The following ADAMTS17 variants were observed in gnomAD, a reference collection of about 807,000 sequenced individuals.
ADAMTS17 encodes the protein A disintegrin and metalloproteinase with thrombospondin motifs 17.
A neutral mutation model predicts 141.5 loss-of-function variants in ADAMTS17; 113 were observed. That is an observed-to-expected ratio of 0.80 (90% CI 0.69 to 0.93). The LOEUF is 0.93. Among genes scored for constraint, ADAMTS17 ranks in the 40% least tolerant of loss-of-function variants. ADAMTS17 has a pLI of 0.00. For missense variants in ADAMTS17, 1,659 were observed against 1,517.9 expected, an observed-to-expected ratio of 1.09 and a Z score of -1.54; for synonymous variants, 768 against 630.6, an observed-to-expected ratio of 1.22 and a Z score of -3.27.
At chr15:100,088,851 A>G (rs1034659098) in intron 15 of ADAMTS17, among the ~76,000 whole-genome samples, 2 of 146,468 alleles carry the variant, frequency 1.4e-5, no homozygotes, top group African/African-American at 5.3e-5. Flanking sequence ...AAGATGGATT[A>G]AAAACTTACA....
chr15:100,196,197 C>T (rs1338525907), intron 8 of ADAMTS17, among the ~76,000 whole-genome samples: 1 of 152,158 alleles, frequency 6.6e-6, no homozygotes, highest in Non-Finnish European at 1.5e-5. Context: ...GGATTAGAGC[C>T]AGTTTATTGT....
At position 100,172,694 on chromosome 15, in the gene ADAMTS17, G is replaced by A. The variant is rs9806593; in HGVS notation, c.1182-17374C>T. ...CAATCGGAATTAGCTTAGACTGTGCGGTCCCACCCTAGCCAATACGGGAAC... is the reference window on the plus strand; with the variant it reads ...CAATCGGAATTAGCTTAGACTGTGCAGTCCCACCCTAGCCAATACGGGAAC... On this transcript the variant is annotated intron_variant, in intron 8 of 21. Coordinates refer to ENST00000268070, the MANE Select transcript of ADAMTS17 (RefSeq NM_139057.4). Among the ~76,000 whole-genome samples the A allele has an allele frequency of 8.9e-3, 1,348 of 152,272 alleles. 25 individuals carry two copies. Among genetic ancestry groups the A allele is most frequent in the African/African-American group, 0.031 (1,274 of 41,548 alleles).
intron 14 of ADAMTS17, among the ~76,000 whole-genome samples, chr15:100,103,943 C>T (rs756187855): frequency 1.3e-5 from 2 of 152,268 alleles, no homozygotes; most frequent in South Asian, 2.1e-4. Context: ...GTTAATGAGA[C>T]GTACTTCCTT....
At chr15:100,153,905 G>A (rs1371972971) in intron 9 of ADAMTS17, among the ~76,000 whole-genome samples, 1 of 152,164 alleles carries the variant, frequency 6.6e-6, no homozygotes, top group Non-Finnish European at 1.5e-5. Flanking sequence ...TCTTGGCCGG[G>A]CGCGGTAGCT....
intron 20 of ADAMTS17, among the ~76,000 whole-genome samples, chr15:99,983,326 G>A (rs2727211): frequency 0.052 from 7,946 of 152,116 alleles, 599 homozygotes; most frequent in African/African-American, 0.17. Flanking sequence ...CCACCTTTCA[G>A]AGAGGCAGAA....
chr15:100,125,848 G>C (rs533217370), intron 12 of ADAMTS17, among the ~76,000 whole-genome samples: 1 of 152,074 alleles, frequency 6.6e-6, no homozygotes, highest in African/African-American at 2.4e-5. Context: ...AATTGTGTGT[G>C]GGGGGACTCT....
chr15:100,151,493 T>G (rs1402641127), intron 10 of ADAMTS17, among the ~76,000 whole-genome samples: 1 of 152,132 alleles, frequency 6.6e-6, no homozygotes, highest in African/African-American at 2.4e-5. Flanking sequence ...CCTGTGTGCT[T>G]TGGTGCTGCT....
chr15:100,233,821 G>C (rs890795306), intron 7 of ADAMTS17, among the ~76,000 whole-genome samples: 1 of 151,972 alleles, frequency 6.6e-6, no homozygotes, highest in Non-Finnish European at 1.5e-5. Flanking sequence ...AGATGGAGGC[G>C]AGCCTGGCAA....
At chr15:100,234,964 G>C (rs1014614720) in intron 7 of ADAMTS17, among the ~76,000 whole-genome samples, 1 of 152,206 alleles carries the variant, frequency 6.6e-6, no homozygotes, top group Non-Finnish European at 1.5e-5. Context: ...GGGAACATGA[G>C]GGAAGAGGCA....
intron 10 of ADAMTS17, among the ~76,000 whole-genome samples, chr15:100,148,665 C>T (rs973360567): frequency 1.3e-5 from 2 of 151,706 alleles, no homozygotes; most frequent in African/African-American, 4.8e-5. Context: ...TTCTCTTTTT[C>T]ACTACTTTCA....
At chr15:100,124,923 C>A (rs2037650961) in intron 12 of ADAMTS17, among the ~76,000 whole-genome samples, 1 of 152,194 alleles carries the variant, frequency 6.6e-6, no homozygotes, top group South Asian at 2.1e-4. Context: ...CCAACAGGAT[C>A]ATATGGCAGA....
intron 11 of ADAMTS17, among the ~76,000 whole-genome samples, chr15:100,132,539 G>C (rs910745944): frequency 6.6e-6 from 1 of 152,200 alleles, no homozygotes; most frequent in Non-Finnish European, 1.5e-5. Flanking sequence ...AGTTGTGTTT[G>C]CTGCTTGGCG....
chr15:100,155,770 T>C (rs1373474469), intron 8 of ADAMTS17, among the ~76,000 whole-genome samples: 2 of 152,244 alleles, frequency 1.3e-5, no homozygotes, highest in Non-Finnish European at 2.9e-5. Flanking sequence ...ATGATCTGAA[T>C]CTAAGCCTTC....
chr15:100,170,903 G>GT (rs1389213835), intron 8 of ADAMTS17, among the ~76,000 whole-genome samples: 1 of 152,154 alleles, frequency 6.6e-6, no homozygotes, highest in Non-Finnish European at 1.5e-5. Context: ...GGTGGCACCC[G>GT]TTACTTTATT....
At chr15:99,992,804 TGCAC>T (rs1198874931) in intron 20 of ADAMTS17, among the ~76,000 whole-genome samples, 5 of 152,242 alleles carry the variant, frequency 3.3e-5, no homozygotes, top group Non-Finnish European at 7.3e-5. Flanking sequence ...TCCTTCTGCA[TGCAC>T]GTGAAGCAGT....
intron 15 of ADAMTS17, among the ~76,000 whole-genome samples, chr15:100,084,419 G>A (rs1049964249): frequency 1.3e-5 from 2 of 152,238 alleles, no homozygotes; most frequent in African/African-American, 4.8e-5. Context: ...TCTGGGGGCA[G>A]GGCACAGACA....
At chr15:100,079,420 G>T (rs1483190399) in intron 15 of ADAMTS17, among the ~76,000 whole-genome samples, 1 of 152,180 alleles carries the variant, frequency 6.6e-6, no homozygotes, top group African/African-American at 2.4e-5. Context: ...AAAATACTAT[G>T]CTAAGGGAAA....
intron 4 of ADAMTS17, among the ~76,000 whole-genome samples, chr15:100,279,140 C>T (rs1403237856): frequency 2.0e-5 from 3 of 152,276 alleles, no homozygotes; most frequent in African/African-American, 7.2e-5. Context: ...TCTAAAACAC[C>T]GGAGGTCCCA....
intron 8 of ADAMTS17, among the ~76,000 whole-genome samples, chr15:100,178,794 C>T (rs193236806): frequency 6.6e-6 from 1 of 152,138 alleles, no homozygotes; most frequent in African/African-American, 2.4e-5. Context: ...TTTCTTCATT[C>T]CTGAAGGATA....
Sources: gnomAD v4.1 joint callset for allele counts (sites outside exome capture counted in the v4.1 genomes callset) on GRCh38, gnomAD v4.1.1 for gene constraint, MANE v1.5 for transcripts, NCBI Gene and HGNC (gene_info 2026-07-23, HGNC 2026-07-21) for gene names.